PBRM1: variants seen among roughly 807,000 people sequenced by gnomAD.
PBRM1 encodes the protein protein polybromo-1.
In PBRM1, 27 loss-of-function variants were observed where a neutral mutation model predicts 194.5. The ratio of observed to expected loss-of-function variants is 0.14; its 90% CI spans 0.10 to 0.19. PBRM1 has a LOEUF of 0.19. PBRM1 is among the 10% of genes least tolerant of loss of function. The probability of loss-of-function intolerance (pLI) is 1.00; values close to 1 mark genes in which losing one functional copy is unlikely to be tolerated. For synonymous variants in PBRM1, 655 were observed against 693.2 expected (o/e 0.94, Z 0.87); for missense variants, 1,466 against 2,077.2 (o/e 0.71, Z 5.72).
chr3:52,650,802 G>C (rs1484028277), intron 6 of PBRM1, among the ~76,000 whole-genome samples: 1 of 152,206 alleles, frequency 6.6e-6, no homozygotes, highest in African/African-American at 2.4e-5. Flanking sequence ...TTAAGTAGTA[G>C]AGCTAGAAAA....
At chr3:52,602,141 G>C (rs1309795569) in intron 17 of PBRM1, among the ~76,000 whole-genome samples, 3 of 152,076 alleles carry the variant, frequency 2.0e-5, no homozygotes, top group Non-Finnish European at 4.4e-5. Flanking sequence ...TATCTAAATG[G>C]GGCTCTCTTT....
At chr3:52,649,569 C>G (rs141454815) in intron 6 of PBRM1, among the ~76,000 whole-genome samples, 18 of 152,332 alleles carry the variant, frequency 1.2e-4, no homozygotes, top group African/African-American at 4.3e-4. Context: ...GTTCCTCAAC[C>G]TTTCTTCTCA....
intron 11 of PBRM1, among the ~76,000 whole-genome samples, chr3:52,629,524 A>G (rs1408808385): frequency 6.6e-6 from 1 of 152,236 alleles, no homozygotes; most frequent in Non-Finnish European, 1.5e-5. Context: ...TATAAACAAT[A>G]AAGAGTGGTC....
chr3:52,550,174 C>T (rs148708710), intron 29 of PBRM1, among the ~76,000 whole-genome samples: 3 of 149,356 alleles, frequency 2.0e-5, no homozygotes, highest in Admixed American at 6.7e-5. Flanking sequence ...GCCAAGATCG[C>T]GCCACTGCAC....
At chr3:52,617,185 T>C (rs2095008229) in intron 14 of PBRM1, 77 bp downstream of exon 16, 1 of 1,130,618 alleles carries the variant, frequency 8.8e-7, no homozygotes, top group Admixed American at 2.6e-5. Context: ...CTAGAGCTGG[T>C]CTCTCAAAAT....
chr3:52,657,811 G>A (rs2096636843), intron 5 of PBRM1, among the ~76,000 whole-genome samples: 1 of 143,398 alleles, frequency 7.0e-6, no homozygotes, highest in African/African-American at 2.6e-5. Context: ...ATTTGAGACG[G>A]AGTTTCGCTC....
At chr3:52,560,885 ATAAT>A (rs1213578671) in intron 25 of PBRM1, among the ~76,000 whole-genome samples, 1 of 152,164 alleles carries the variant, frequency 6.6e-6, no homozygotes, top group African/African-American at 2.4e-5. Context: ...GGCAGCCTAA[ATAAT>A]TAATGTTTGC....
intron 19 of PBRM1, 97 bp from the exon 22 acceptor site, chr3:52,586,785 CA>C (rs1416760650): frequency 3.6e-5 from 31 of 850,434 alleles, no homozygotes; most frequent in Non-Finnish European, 2.9e-5. Context: ...ACCAACCAAC[CA>C]AACAAAAGCT....
chr3:52,579,080 A>G, exon 21 of PBRM1: 1 of 1,614,220 alleles, frequency 6.2e-7, no homozygotes, highest in Non-Finnish European at 8.5e-7. Context: ...GCACCAGGCC[A>G]TGGGACTTGA....
intron 5 of PBRM1, 69 bp from the exon 7 acceptor site, chr3:52,651,879 C>T (rs2096503030): frequency 1.0e-6 from 1 of 1,004,162 alleles, no homozygotes; most frequent in Non-Finnish European, 1.5e-6. Flanking sequence ...GAAGGAAGTA[C>T]ATTGACAATC....
chr3:52,646,894 GA>G (rs1465486855), intron 7 of PBRM1, among the ~76,000 whole-genome samples: 1 of 151,792 alleles, frequency 6.6e-6, no homozygotes, highest in African/African-American at 2.4e-5. Flanking sequence ...AGCAACCAAA[GA>G]AAAAAATAGA....
At chr3:52,550,326 AG>A in intron 29 of PBRM1, 94 bp downstream of exon 31, 1 of 472,092 alleles carries the variant, frequency 2.1e-6, no homozygotes, top group Non-Finnish European at 3.6e-6. Context: ...TATAAGAAAA[AG>A]GGGTGTTTAT....
intron 6 of PBRM1, 51 bp from the exon 8 acceptor site, chr3:52,648,493 T>C (rs1479699822): frequency 1.3e-5 from 12 of 946,716 alleles, no homozygotes; most frequent in Non-Finnish European, 1.8e-5. Context: ...AGTTCATCAG[T>C]ACAACCTTTA....
At chr3:52,603,832 G>T in intron 16 of PBRM1, 100 bp from the exon 19 acceptor site, 3 of 1,034,252 alleles carry the variant, frequency 2.9e-6, no homozygotes, top group Admixed American at 2.4e-5. Context: ...AATTGATATA[G>T]TGGTATTTCT....
intron 22 of PBRM1, among the ~76,000 whole-genome samples, chr3:52,564,966 G>A (rs1463783218): frequency 6.6e-6 from 1 of 152,054 alleles, no homozygotes; most frequent in African/African-American, 2.4e-5. Context: ...TGGGGAGGCC[G>A]AGGCAGCAGA....
chr3:52,660,361 A>G (rs1017887873), intron 4 of PBRM1, among the ~76,000 whole-genome samples: 17 of 152,140 alleles, frequency 1.1e-4, no homozygotes, highest in African/African-American at 4.1e-4. Context: ...TTTAGTTCCA[A>G]TCACTTAACT....
At chr3:52,621,605 A>G (rs1456496238) in intron 13 of PBRM1, among the ~76,000 whole-genome samples, 2 of 152,208 alleles carry the variant, frequency 1.3e-5, no homozygotes, top group African/African-American at 4.8e-5. Context: ...ACTACCTTTG[A>G]TTAAAAGGCA....
exon 15 of PBRM1, chr3:52,615,422 A>G: frequency 6.2e-7 from 1 of 1,610,208 alleles, no homozygotes; most frequent in Non-Finnish European, 8.5e-7. Context: ...TTTCTCCTTG[A>G]GTAACTTCTC....
intron 2 of PBRM1, among the ~76,000 whole-genome samples, chr3:52,672,786 G>A (rs780263606): frequency 7.9e-5 from 12 of 151,816 alleles, no homozygotes; most frequent in African/African-American, 2.4e-4. Flanking sequence ...GAGCCACCAC[G>A]CCTGGCCAAT....
Sources: allele counts gnomAD v4.1 joint callset (sites outside exome capture counted in the v4.1 genomes callset), GRCh38; gene constraint gnomAD v4.1.1; transcripts MANE v1.5; gene names NCBI Gene and HGNC (gene_info 2026-07-23, HGNC 2026-07-21).